The following POLE variants were observed in gnomAD, a reference collection of about 807,000 sequenced individuals.
POLE encodes DNA polymerase epsilon, catalytic subunit.
Under a neutral mutation model 279.2 loss-of-function variants are expected in POLE, and 188 were observed. That is an observed-to-expected ratio of 0.67 (90% CI 0.60 to 0.76). The LOEUF (loss-of-function observed/expected upper bound fraction) is 0.76, where lower values mean the gene tolerates loss of function less well. Ranked by LOEUF, POLE falls within the 30% of genes least tolerant of loss-of-function variation. POLE has a pLI of 0.00. For synonymous variants in POLE, 1,214 were observed against 1,172.5 expected (o/e 1.04, Z -0.72); for missense variants, 2,703 against 3,016.7 (o/e 0.90, Z 2.44).
rs1409453073 is a variant in POLE at position 132,636,005 on chromosome 12, AG to A, written c.5697del (p.Phe1900SerfsTer4). Reference protein sequence around the residue: ...YITSSIHSKETFHSLTISFSR... With the variant: ...YITSSIHSKEXFHSLTISFSR... ...GAGAAAGAAATTGTCAGAGAATGGA[AG>A]GTCTCCTTTGAATGGATGCTGCAGA... On this transcript the variant is annotated frameshift_variant, in exon 42 of 49. Coordinates refer to ENST00000320574, the MANE Select transcript of POLE (RefSeq NM_006231.4). LOFTEE classifies it high-confidence loss of function. The A allele has an allele frequency of 4.3e-6, 7 of 1,613,790 alleles. No individual in the cohort carries two copies. The highest frequency in any genetic ancestry group is 5.9e-6 in the Non-Finnish European group (7 of 1,179,904).
At position 132,643,662 on chromosome 12, in the gene POLE, C is replaced by G. The variant is rs5744938; in HGVS notation, c.4291-102G>C. ...ATGTGGCTGTGCCCCTGCAGCTGCC[C>G]GGCCCACTGCCCAAAGGCCACTTTT... On this transcript the variant is annotated intron_variant, in intron 33 of 48. Coordinates refer to ENST00000320574, the MANE Select transcript of POLE (RefSeq NM_006231.4). 21 of 1,538,774 alleles carry G rather than the reference C, an allele frequency of 1.4e-5. No individual in the cohort carries two copies. The Admixed American group carries it at 1.7e-4, about 13-fold the overall frequency.
chr12:132,677,648 T>C lies in POLE; in HGVS notation c.650A>G (p.Asn217Ser), dbSNP rs2043086016. Residue 217 changes from asparagine (N) to serine (S), a missense_variant, in exon 7 of 49, where the codon AAC becomes AGC. Asn to Ser is a conservative substitution (Grantham distance 46). Around this residue, in one of 5 missense-constraint regions of POLE, gnomAD observed 1,011 missense variants for 1,111.7 expected, o/e 0.91. Transcript: ENST00000320574. The part of the protein sequence containing the change: ...TSKKIADQLD[N>S]IVDMREYDVP... ...ATCGTACTCGCGCATGTCCACAATG[T>C]TGTCCAACTGGTCAGCTATCTTCTT... 4 of 1,614,216 alleles carry C rather than the reference T, an allele frequency of 2.5e-6. No individual in the cohort carries two copies. In the East Asian group the frequency reaches 6.7e-5, roughly 27 times the overall value.
Position 132,624,715 on chromosome 12 carries a change from G to T in POLE, c.6843C>A (p.Asn2281Lys), listed in dbSNP as rs1166482142. The T allele has an allele frequency of 1.9e-6, 3 of 1,610,764 alleles. No homozygotes were observed. The highest frequency in any genetic ancestry group is 2.2e-5 in the East Asian group (1 of 44,878). Residue 2281 changes from asparagine to lysine, a missense_variant, in exon 49 of 49, where the codon AAC (asparagine) becomes AAA (lysine). This residue lies in a region of POLE where 1,551 missense variants were observed against 1,686.1 expected (regional missense o/e 0.92). Coordinates refer to ENST00000320574, the MANE Select transcript of POLE (RefSeq NM_006231.4). ...LETLEWLLQK[N>K]PQLGH Reference sequence around the variant, plus strand: ...GGGCTGGCTAATGGCCCAGCTGTGGGTTCTTCTGCAGCAGCCACTCCAGGG... The same window carrying T: ...GGGCTGGCTAATGGCCCAGCTGTGGTTTCTTCTGCAGCAGCCACTCCAGGG...
intron 26 of POLE, 85 bp downstream of exon 26, chr12:132,659,210 C>A: frequency 2.2e-6 from 3 of 1,375,714 alleles, no homozygotes; most frequent in South Asian, 1.3e-5. Flanking sequence ...ATGAGGGGAG[C>A]CCTCACCTCT....
Position 132,649,758 on chromosome 12 carries a change from G to C in POLE, c.3714C>G (p.Ser1238Arg). The stretch of plus-strand genomic sequence containing the variant: ...GCGTGAGGTCCTGGGACTCCTCCTG[G>C]CTCTCCCAAAGAACTCGCTTCCTCT... ...TVKRKRVLWE[S>R]QEESQDLTPT... The change falls in exon 30 of 49, where the codon AGC (serine) becomes AGG (arginine). Residue 1238 changes from serine to arginine, a missense_variant. Ser to Arg is a moderately radical substitution (Grantham distance 110). Coordinates refer to ENST00000320574, the MANE Select transcript of POLE (RefSeq NM_006231.4). The C allele has an allele frequency of 6.2e-7, 1 of 1,614,184 alleles. No individual in the cohort carries two copies. The highest frequency in any genetic ancestry group is 8.5e-7 in the Non-Finnish European group (1 of 1,180,030).
chr12:132,644,677 T>C (rs1391058929), intron 32 of POLE, among the ~76,000 whole-genome samples: 2 of 151,918 alleles, frequency 1.3e-5, no homozygotes, highest in Non-Finnish European at 2.9e-5. Flanking sequence ...GTGTGTGGGG[T>C]CCTGGGGGGC....
chr12:132,649,935 G>A lies in POLE; in HGVS notation c.3583-46C>T, dbSNP rs202042364. On this transcript the variant is annotated intron_variant, in intron 29 of 48. Transcript: ENST00000320574. ...CTTAAATCTCAGGATCTCGGGCTGC[G>A]CAGGGTGGCTCATGCCTGGAATGCC... The A allele has an allele frequency of 1.6e-4, 243 of 1,553,628 alleles. No individual in the cohort carries two copies. The African/African-American group carries it at 2.3e-3, about 15-fold the overall frequency.
Position 132,626,686 on chromosome 12 carries a change from G to A in POLE, c.6331-369C>T, listed in dbSNP as rs948953382. ...AGCCTGAGCACAGACACAAAAATGC[G>A]CAACGAGATATTAGCAAATTGAATG... On this transcript the variant is annotated intron_variant, in intron 45 of 48. Transcript: ENST00000320574. Among the ~76,000 whole-genome samples, 5 of 151,836 alleles carry A rather than the reference G, an allele frequency of 3.3e-5. No homozygotes were observed. In the South Asian group the frequency reaches 6.2e-4, roughly 19 times the overall value.
intron 32 of POLE, among the ~76,000 whole-genome samples, chr12:132,644,311 C>T (rs989132499): frequency 2.4e-4 from 36 of 151,432 alleles, no homozygotes; most frequent in East Asian, 7.8e-4. Flanking sequence ...AGGAACACAC[C>T]ACCACGGATG....
In POLE at chr12:132,642,416, C is replaced by A; in HGVS notation, c.4953-19G>T. ...AAAGTACCTGCACCAGGGCACAGGT[C>A]AGCACCGGGGCACATCGCCGGGTCA... On this transcript the variant is annotated intron_variant, in intron 37 of 48. Coordinates refer to ENST00000320574, the MANE Select transcript of POLE (RefSeq NM_006231.4). 3.1e-6 allele frequency: 5 copies of A among 1,589,478 alleles called. No individual in the cohort carries two copies. The South Asian group carries it at 4.6e-5, about 14-fold the overall frequency.
At chr12:132,672,497 G>A (rs1413667293) in intron 15 of POLE, 130 bp downstream of exon 15, 2 of 1,125,490 alleles carry the variant, frequency 1.8e-6, no homozygotes, top group Admixed American at 4.0e-5. Context: ...TGCTGGGCCA[G>A]AGAAGCCACA....
In POLE at chr12:132,664,421, A is replaced by C. The variant is rs139182500; in HGVS notation, c.2510T>G (p.Phe837Cys). The change falls in exon 22 of 49, where the codon TTC becomes TGC. Residue 837 changes from phenylalanine (F) to cysteine (C), a missense_variant. Coordinates refer to ENST00000320574, the MANE Select transcript of POLE (RefSeq NM_006231.4). The surrounding 1 kb of genome is among the most constrained non-coding windows in gnomAD (Gnocchi z 5.3). ...YSMEMAGIVC[F>C]TGANIITQAR... ...CTGGGTGATGATGTTGGCCCCTGTGAAGCAGACGATGCCAGCCATCTCCAT... is the reference window on the plus strand; with the variant it reads ...CTGGGTGATGATGTTGGCCCCTGTGCAGCAGACGATGCCAGCCATCTCCAT... 6.2e-7 allele frequency: 1 copy of C among 1,613,958 alleles called. No individual in the cohort carries two copies. The highest frequency in any genetic ancestry group is 8.5e-7 in the Non-Finnish European group (1 of 1,180,036).
At position 132,668,178 on chromosome 12, in the gene POLE, G is replaced by A. The variant is rs922125485; in HGVS notation, c.2173+178C>T. On this transcript the variant is annotated intron_variant, in intron 19 of 48. Transcript: ENST00000320574. This position sits in a 1 kb window ranked among gnomAD's most constrained non-coding sequence, Gnocchi z 4.0. ...GCAGTGTCTAACACTTGCAGATGGG[G>A]AAGCAAATAAAGGACCCTGCAGTGA... Among the ~76,000 whole-genome samples, 5 of 152,182 alleles carry A rather than the reference G, an allele frequency of 3.3e-5. No individual in the cohort carries two copies. The highest frequency in any genetic ancestry group is 9.7e-5 in the African/African-American group (4 of 41,442).
chr12:132,672,762 G>C lies in POLE; in HGVS notation c.1551C>G (p.Pro517=), dbSNP rs770117116. 2 of 1,614,160 alleles carry C rather than the reference G, an allele frequency of 1.2e-6. No individual in the cohort carries two copies. Among genetic ancestry groups the C allele is most frequent in the East Asian group, 4.5e-5 (2 of 44,892 alleles). Residue 517 remains proline (P), a synonymous_variant, in exon 15 of 49, where the codon CCC becomes CCG. Coordinates refer to ENST00000320574, the MANE Select transcript of POLE (RefSeq NM_006231.4). ...TATTGAACTCCTGCTCTTGCTTGTT[G>C]GGGAAGATGATGTTGGCGTGGAAGG... ...VQAFHANIIF[P]NKQEQEFNKL...
In POLE at chr12:132,642,785, T is replaced by C. The variant is rs1384892869; in HGVS notation, c.4728+35A>G. On this transcript the variant is annotated intron_variant, in intron 36 of 48. Transcript: ENST00000320574. ...TGGGTGGACCCAGCCTCAAAGAAGA[T>C]GGGGCTCACACAGCAAGACCCCAAC... The C allele has an allele frequency of 4.3e-6, 7 of 1,613,178 alleles. No individual in the cohort carries two copies. The African/African-American group carries it at 8.0e-5, about 18-fold the overall frequency.
intron 6 of POLE, 52 bp downstream of exon 6, chr12:132,679,445 C>A: frequency 1.3e-6 from 2 of 1,549,542 alleles, no homozygotes; most frequent in African/African-American, 1.4e-5. Context: ...TGTCTCCTAT[C>A]CATCTTGTCG....
rs2138484694 is a variant in POLE at position 132,635,900 on chromosome 12, A to G, written c.5803T>C (p.Cys1935Arg). 2 of 1,612,532 alleles carry G rather than the reference A, an allele frequency of 1.2e-6. No individual in the cohort carries two copies. Among genetic ancestry groups the G allele is most frequent in the Non-Finnish European group, 8.5e-7 (1 of 1,179,152 alleles). ...IKGKVSSRIHCGLQDSQKAGG... is the reference protein window; with the variant it reads ...IKGKVSSRIHRGLQDSQKAGG... ...CACTGCAGCTCGCTTACCAGTCCAC[A>G]GTGAATACGAGATGAAACTTTTCCT... The change falls in exon 42 of 49, where the codon TGT becomes CGT. Residue 1935 changes from cysteine (C) to arginine (R), a missense_variant. Physicochemically the swap from Cys to Arg is radical, Grantham distance 180. Transcript: ENST00000320574.
At chr12:132,670,790 T>C (rs915671944) in intron 16 of POLE, among the ~76,000 whole-genome samples, 3 of 150,846 alleles carry the variant, frequency 2.0e-5, no homozygotes, top group Non-Finnish European at 3.0e-5. Flanking sequence ...TGCCCGGCCA[T>C]GGCCGACATT....
Position 132,687,230 on chromosome 12 carries a change from G to A in POLE, c.62+24C>T, listed in dbSNP as rs781387073. 13 of 1,450,098 alleles carry A rather than the reference G, an allele frequency of 9.0e-6. No individual in the cohort carries two copies. The South Asian group carries it at 1.6e-4, about 17-fold the overall frequency. The allele number at this position is 1,450,098 out of a possible 1,614,324, so 89.8% of individuals were successfully genotyped here. On this transcript the variant is annotated intron_variant, in intron 1 of 48. Transcript: ENST00000320574. ...GGCACCCTCCGGAGGGCCGGCCCGA[G>A]AGCCTCAGGAGGGCGCCCCTCACCT...
Sources: allele counts gnomAD v4.1 joint callset (sites outside exome capture counted in the v4.1 genomes callset), GRCh38; gene constraint gnomAD v4.1.1; regional missense constraint gnomAD v4.1.1; non-coding constraint Gnocchi (gnomAD v3.1); transcripts MANE v1.5; gene names NCBI Gene and HGNC (gene_info 2026-07-23, HGNC 2026-07-21).